Variants in KCNN2 observed in about 807,000 individuals in gnomAD.
KCNN2 encodes small conductance calcium-activated potassium channel protein 2.
KCNN2 carries 24 observed loss-of-function variants against 55.5 expected under a neutral mutation model. The observed-to-expected ratio is 0.43, with a 90% CI of 0.31 to 0.61. KCNN2 has a LOEUF of 0.61. Among genes scored for constraint, KCNN2 ranks in the 20% least tolerant of loss-of-function variants. KCNN2 has a pLI of 0.08. For synonymous variants in KCNN2, 431 were observed against 336.1 expected (o/e 1.28, Z -3.09); for missense variants, 754 against 853.6 (o/e 0.88, Z 1.45).
At chr5:114,192,238 A>G (rs1349591122) in intron 1 of KCNN2, among the ~76,000 whole-genome samples, 2 of 152,148 alleles carry the variant, frequency 1.3e-5, no homozygotes, top group East Asian at 1.9e-4. Flanking sequence ...GGGCTTACCC[A>G]CATCACGTGA....
intron 2 of KCNN2, among the ~76,000 whole-genome samples, chr5:114,314,966 T>A (rs1055316970): frequency 1.3e-5 from 2 of 152,150 alleles, no homozygotes; most frequent in African/African-American, 4.8e-5. Context: ...CTAGTTCCTC[T>A]AACAAGAACA....
chr5:114,191,082 A>G (rs1400624467), intron 1 of KCNN2, among the ~76,000 whole-genome samples: 1 of 152,226 alleles, frequency 6.6e-6, no homozygotes, highest in Admixed American at 6.5e-5. Context: ...GAGTATGAAT[A>G]TGTCAAAACA....
chr5:114,474,790 T>C (rs1249136681), intron 5 of KCNN2, among the ~76,000 whole-genome samples: 1 of 152,108 alleles, frequency 6.6e-6, no homozygotes, highest in African/African-American at 2.4e-5. Flanking sequence ...ATGAAGATTA[T>C]ACATTTCCTC....
chr5:114,374,379 G>A (rs1182004988), intron 2 of KCNN2, among the ~76,000 whole-genome samples: 2 of 152,202 alleles, frequency 1.3e-5, no homozygotes, highest in African/African-American at 4.8e-5. Context: ...GTAGTTGGCA[G>A]TATTTCTGTC....
intron 2 of KCNN2, among the ~76,000 whole-genome samples, chr5:114,274,365 T>G (rs574966901): frequency 6.6e-6 from 1 of 152,080 alleles, no homozygotes; most frequent in Non-Finnish European, 1.5e-5. Flanking sequence ...TTTTCCAATT[T>G]TGTGAGTAAA....
chr5:114,202,239 C>G (rs1372259742), intron 1 of KCNN2, among the ~76,000 whole-genome samples: 2 of 151,850 alleles, frequency 1.3e-5, no homozygotes, highest in East Asian at 3.9e-4. Flanking sequence ...TCTGTGCAAT[C>G]TTTAGGCAGC....
At chr5:114,313,181 A>AT (rs1756439362) in intron 2 of KCNN2, among the ~76,000 whole-genome samples, 1 of 152,076 alleles carries the variant, frequency 6.6e-6, no homozygotes, top group African/African-American at 2.4e-5. Flanking sequence ...TCCTGTTTCC[A>AT]TCTGCTGGAA....
Position 114,481,848 on chromosome 5 carries a change from C to G in KCNN2, c.1891-5202C>G, listed in dbSNP as rs371322692. On this transcript the variant is annotated intron_variant, in intron 5 of 7. Transcript: ENST00000673685. ...GCTAGCTATATGCAGAAAATTGAAA[C>G]TGGACCCCTTCCTTACAGCTTATAC... Among the ~76,000 whole-genome samples, 7 of 152,184 alleles carry G rather than the reference C, an allele frequency of 4.6e-5. No homozygotes were observed. The East Asian group carries it at 5.8e-4, about 13-fold the overall frequency.
intron 2 of KCNN2, among the ~76,000 whole-genome samples, chr5:114,236,892 G>A (rs150411598): frequency 1.3e-5 from 2 of 151,954 alleles, no homozygotes; most frequent in African/African-American, 2.4e-5. Context: ...ATTTTTCATA[G>A]TACTTAGCTA....
At chr5:114,302,473 A>G (rs1283353060) in intron 2 of KCNN2, among the ~76,000 whole-genome samples, 1 of 152,196 alleles carries the variant, frequency 6.6e-6, no homozygotes, top group Non-Finnish European at 1.5e-5. Flanking sequence ...TACCTGGAAT[A>G]ACAGTTATAA....
At chr5:114,290,780 CTA>C (rs1755870950) in intron 2 of KCNN2, among the ~76,000 whole-genome samples, 1 of 152,000 alleles carries the variant, frequency 6.6e-6, no homozygotes, top group Admixed American at 6.6e-5. Flanking sequence ...TTCTTTAATG[CTA>C]TGTTTTTGTT....
At chr5:114,229,754 TGG>T (rs1754318220) in intron 2 of KCNN2, among the ~76,000 whole-genome samples, 4 of 7,108 alleles carry the variant, frequency 5.6e-4, no homozygotes, top group African/African-American at 1.0e-3. Flanking sequence ...ATTACTGTTG[TGG>T]TACTAATAAG....
chr5:114,257,937 C>CT (rs1363234236), intron 2 of KCNN2, among the ~76,000 whole-genome samples: 1 of 152,132 alleles, frequency 6.6e-6, no homozygotes, highest in Non-Finnish European at 1.5e-5. Flanking sequence ...ATGGGGAATG[C>CT]TTCCAGCTTT....
chr5:114,219,445 C>A (rs1322729483), intron 1 of KCNN2, among the ~76,000 whole-genome samples: 1 of 152,078 alleles, frequency 6.6e-6, no homozygotes, highest in African/African-American at 2.4e-5. Context: ...GGAAGGGGAG[C>A]TGAAAAGGGT....
intron 2 of KCNN2, among the ~76,000 whole-genome samples, chr5:114,308,184 C>T (rs1158866322): frequency 6.6e-6 from 1 of 152,110 alleles, no homozygotes; most frequent in Admixed American, 6.6e-5. Flanking sequence ...GGATTACCAC[C>T]ACCCACTGAC....
intron 3 of KCNN2, among the ~76,000 whole-genome samples, chr5:114,460,274 C>G (rs533242340): frequency 6.6e-6 from 1 of 152,300 alleles, no homozygotes; most frequent in South Asian, 2.1e-4. Flanking sequence ...GAGTCTCACT[C>G]TGTCATCCAG....
chr5:114,278,552 C>A (rs947894153), intron 2 of KCNN2, among the ~76,000 whole-genome samples: 2 of 152,232 alleles, frequency 1.3e-5, no homozygotes, highest in Non-Finnish European at 2.9e-5. Flanking sequence ...GAACATAGAA[C>A]CACCTACTTA....
At chr5:114,352,268 C>G (rs1437977637) in intron 2 of KCNN2, among the ~76,000 whole-genome samples, 1 of 151,596 alleles carries the variant, frequency 6.6e-6, no homozygotes, top group East Asian at 1.9e-4. Context: ...GTGATGCCCT[C>G]TATTTATTAC....
chr5:114,317,621 G>C (rs1202395512), intron 2 of KCNN2, among the ~76,000 whole-genome samples: 1 of 152,094 alleles, frequency 6.6e-6, no homozygotes, highest in East Asian at 1.9e-4. Flanking sequence ...CTTTCTCATG[G>C]TGGTGTTGAC....
Sources: gnomAD v4.1 joint callset for allele counts (sites outside exome capture counted in the v4.1 genomes callset) on GRCh38, gnomAD v4.1.1 for gene constraint, MANE v1.5 for transcripts, NCBI Gene and HGNC (gene_info 2026-07-23, HGNC 2026-07-21) for gene names.